Variants in ANK3 observed in about 807,000 individuals in gnomAD.
ANK3 encodes the protein ankyrin 3.
Under a neutral mutation model 370.9 loss-of-function variants are expected in ANK3, and 57 were observed. The ratio of observed to expected loss-of-function variants is 0.15; its 90% CI spans 0.12 to 0.19. ANK3 has a LOEUF of 0.19. Ranked by LOEUF, ANK3 falls within the 10% of genes least tolerant of loss-of-function variation. ANK3 has a pLI of 1.00. For synonymous variants in ANK3, 1,929 were observed against 1,946.3 expected (o/e 0.99, Z 0.23); for missense variants, 4,439 against 5,302.1 (o/e 0.84, Z 5.06).
intron 2 of ANK3, among the ~76,000 whole-genome samples, chr10:60,445,242 T>C (rs145230947): frequency 2.6e-3 from 396 of 151,928 alleles, no homozygotes; most frequent in Non-Finnish European, 4.8e-3. Flanking sequence ...ATACAAAAAA[T>C]AGCCAGGCAT....
intron 1 of ANK3, among the ~76,000 whole-genome samples, chr10:60,283,863 A>G (rs182629275): frequency 4.6e-5 from 7 of 152,250 alleles, no homozygotes; most frequent in Admixed American, 3.9e-4. Context: ...ATATTAACTT[A>G]ATTATATTAT....
intron 1 of ANK3, among the ~76,000 whole-genome samples, chr10:60,321,017 G>T (rs989799541): frequency 6.6e-6 from 1 of 152,076 alleles, no homozygotes; most frequent in African/African-American, 2.4e-5. Context: ...GGACAAAAAG[G>T]TATTCCTTCC....
chr10:60,098,929 C>G (rs1240505476), intron 28 of ANK3, among the ~76,000 whole-genome samples: 3 of 152,110 alleles, frequency 2.0e-5, no homozygotes, highest in African/African-American at 7.2e-5. Flanking sequence ...GTTTTTCCCT[C>G]CAGTTTTAGC....
chr10:60,688,808 C>T (rs56198882), intron 1 of ANK3, among the ~76,000 whole-genome samples: 17,450 of 151,920 alleles, frequency 0.11, 1,457 homozygotes, highest in East Asian at 0.27. Context: ...ATCAGCTGGA[C>T]ATGGTGGCAT....
chr10:60,186,940 G>A, intron 16 of ANK3, 28 bp from the exon 17 acceptor site: 3 of 1,605,696 alleles, frequency 1.9e-6, no homozygotes, highest in Non-Finnish European at 2.6e-6. Flanking sequence ...TTGGTCACAT[G>A]CCCAGGAACA....
intron 1 of ANK3, among the ~76,000 whole-genome samples, chr10:60,707,874 G>T (rs1007149785): frequency 6.6e-6 from 1 of 152,040 alleles, no homozygotes; most frequent in Non-Finnish European, 1.5e-5. Flanking sequence ...CAGACAATTT[G>T]AAGGGTGAGA....
chr10:60,052,955 T>C (rs1315343738), intron 42 of ANK3, among the ~76,000 whole-genome samples: 3 of 152,176 alleles, frequency 2.0e-5, no homozygotes, highest in African/African-American at 7.2e-5. Flanking sequence ...ACTTGACAAG[T>C]ATTTTAAAAT....
At position 60,088,361 on chromosome 10, in the gene ANK3, G is replaced by A. The variant is rs768645042; in HGVS notation, c.3329-3C>T. 1.9e-6 allele frequency: 3 copies of A among 1,612,816 alleles called. No homozygotes were observed. Among genetic ancestry groups the A allele is most frequent in the Non-Finnish European group, 2.5e-6 (3 of 1,179,196 alleles). On this transcript the variant is annotated splice_region_variant and splice_polypyrimidine_tract_variant and intron_variant, in intron 28 of 43. Transcript: ENST00000280772. ...TAACTCTTCTGGGCTATCAAGTTCT[G>A]AAAAGACAAATGAAAGAAAATGCCA...
At chr10:60,133,164 T>A (rs2132182401) in intron 25 of ANK3, among the ~76,000 whole-genome samples, 1 of 152,348 alleles carries the variant, frequency 6.6e-6, no homozygotes, top group East Asian at 1.9e-4. Flanking sequence ...CTATCATTTA[T>A]TCATCTGCTC....
intron 2 of ANK3, among the ~76,000 whole-genome samples, chr10:60,399,349 T>C (rs1358811135): frequency 6.6e-6 from 1 of 152,194 alleles, no homozygotes; most frequent in South Asian, 2.1e-4. Context: ...CTTTAAGAAA[T>C]GTAAGATGCT....
intron 2 of ANK3, among the ~76,000 whole-genome samples, chr10:60,601,828 C>A (rs561667657): frequency 2.1e-4 from 32 of 152,192 alleles, no homozygotes; most frequent in African/African-American, 7.7e-4. Flanking sequence ...CTCTGTACTG[C>A]TTTTACAACT....
chr10:60,217,611 T>C (rs890957285), intron 8 of ANK3, among the ~76,000 whole-genome samples: 2 of 152,232 alleles, frequency 1.3e-5, no homozygotes, highest in Admixed American at 6.5e-5. Context: ...TTGATTGCAC[T>C]GTGGTCTGAG....
chr10:60,226,490 C>CTATAGTATATATACATAGTAT (rs1565819615), intron 8 of ANK3, among the ~76,000 whole-genome samples: 36 of 63,344 alleles, frequency 5.7e-4, no homozygotes, highest in African/African-American at 4.2e-3. Flanking sequence ...TATATATATA[C>CTATAGTATATATACATAGTAT]ATATACTATA....
intron 1 of ANK3, among the ~76,000 whole-genome samples, chr10:60,714,142 T>G (rs2079749765): frequency 6.6e-6 from 1 of 152,156 alleles, no homozygotes; most frequent in African/African-American, 2.4e-5. Flanking sequence ...ATAACCTAGA[T>G]GAAGTGAATC....
At chr10:60,040,319 A>G (rs560626323) in intron 43 of ANK3, among the ~76,000 whole-genome samples, 1 of 152,012 alleles carries the variant, frequency 6.6e-6, no homozygotes, top group African/African-American at 2.4e-5. Flanking sequence ...GGCAGCCAGC[A>G]TGACTATAAA....
chr10:60,663,997 T>G (rs1311859831), intron 1 of ANK3, among the ~76,000 whole-genome samples: 1 of 152,236 alleles, frequency 6.6e-6, no homozygotes, highest in Non-Finnish European at 1.5e-5. Flanking sequence ...TTCCTCTTAT[T>G]GCATCCTGCC....
At chr10:60,085,117 CTA>C (rs2086331196) in intron 31 of ANK3, 38 bp downstream of exon 31, 2 of 1,525,430 alleles carry the variant, frequency 1.3e-6, no homozygotes, top group Admixed American at 3.8e-5. Context: ...GTAATAAAAA[CTA>C]ATTCCTTACT....
chr10:60,109,121 A>G, intron 26 of ANK3, 67 bp from the exon 27 acceptor site: 1 of 1,273,572 alleles, frequency 7.9e-7, no homozygotes, highest in Non-Finnish European at 1.1e-6. Context: ...AAGTTTGGAA[A>G]TTAAATGTTT....
At chr10:60,148,119 G>T (rs1017172207) in intron 23 of ANK3, among the ~76,000 whole-genome samples, 15 of 152,108 alleles carry the variant, frequency 9.9e-5, no homozygotes, top group Non-Finnish European at 2.1e-4. Context: ...TGAGAGCCTG[G>T]CATTGTAGGT....
Sources: gnomAD v4.1 joint callset for allele counts (sites outside exome capture counted in the v4.1 genomes callset) on GRCh38, gnomAD v4.1.1 for gene constraint, MANE v1.5 for transcripts, NCBI Gene and HGNC (gene_info 2026-07-23, HGNC 2026-07-21) for gene names.